The following GRID1 variants were observed in gnomAD, a reference collection of about 807,000 sequenced individuals.
GRID1 encodes glutamate ionotropic receptor delta type subunit 1, also known as glutamate receptor ionotropic, delta-1.
A neutral mutation model predicts 98.0 loss-of-function variants in GRID1; 28 were observed. That is an observed-to-expected ratio of 0.29 (90% CI 0.21 to 0.39). The LOEUF is 0.39. Among genes scored for constraint, GRID1 ranks in the 10% least tolerant of loss-of-function variants. The pLI, the probability that GRID1 is intolerant of heterozygous loss-of-function variation, is 1.00. For missense variants in GRID1, 1,111 were observed against 1,340.5 expected (o/e 0.83, Z 2.67); for synonymous variants, 553 against 538.5 (o/e 1.03, Z -0.37).
intron 13 of GRID1, among the ~76,000 whole-genome samples, chr10:85,635,109 T>G (rs1387051488): frequency 2.0e-5 from 3 of 149,096 alleles, no homozygotes; most frequent in Non-Finnish European, 4.4e-5. Context: ...GTTAGCATGG[T>G]GGCATGGATA....
At chr10:86,023,716 A>G (rs1007751085) in intron 4 of GRID1, among the ~76,000 whole-genome samples, 1 of 152,116 alleles carries the variant, frequency 6.6e-6, no homozygotes, top group Non-Finnish European at 1.5e-5. Flanking sequence ...TGAATCATGT[A>G]TGATTTACAC....
intron 13 of GRID1, among the ~76,000 whole-genome samples, chr10:85,622,713 T>G (rs1842871714): frequency 6.6e-6 from 1 of 152,200 alleles, no homozygotes; most frequent in Non-Finnish European, 1.5e-5. Flanking sequence ...ATGTCTCAGA[T>G]CGAGGGGCTC....
intron 2 of GRID1, among the ~76,000 whole-genome samples, chr10:86,359,423 T>C (rs923393855): frequency 6.6e-6 from 1 of 152,126 alleles, no homozygotes; most frequent in African/African-American, 2.4e-5. Context: ...ACCTAGGAGG[T>C]AACGGATATA....
At position 85,743,113 on chromosome 10, in the gene GRID1, C is replaced by CT. The variant is rs1243943680; in HGVS notation, c.1234-13500_1234-13499insA. ...GAGGATAGAATTATGCAGCCCCCCC[C>CT]CCCACCACCCATTGAGAACCAATTA... is the stretch of plus-strand genomic sequence containing the variant. On this transcript the variant is annotated intron_variant, in intron 8 of 15. Coordinates refer to ENST00000327946, the MANE Select transcript of GRID1 (RefSeq NM_017551.3). Among the ~76,000 whole-genome samples, 12 of 134,302 alleles carry CT rather than the reference C, an allele frequency of 8.9e-5. 1 individual carries two copies. The East Asian group carries it at 1.6e-3, about 18-fold the overall frequency. 88.1% of individuals were successfully genotyped at this position (134,302 alleles called of 152,430 possible).
chr10:86,217,981 AG>A (rs1846200489), intron 2 of GRID1, among the ~76,000 whole-genome samples: 1 of 152,170 alleles, frequency 6.6e-6, no homozygotes, highest in Non-Finnish European at 1.5e-5. Context: ...GTCTCCTGAA[AG>A]ACAAGAACAT....
intron 8 of GRID1, among the ~76,000 whole-genome samples, chr10:85,853,122 CATCT>C (rs1279275697): frequency 6.6e-6 from 1 of 151,190 alleles, no homozygotes; most frequent in Non-Finnish European, 1.5e-5. Flanking sequence ...TCTTCTGCCC[CATCT>C]GTCACTGATG....
At chr10:86,039,308 T>G (rs571034611) in intron 4 of GRID1, among the ~76,000 whole-genome samples, 1 of 152,260 alleles carries the variant, frequency 6.6e-6, no homozygotes, top group East Asian at 1.9e-4. Context: ...AATAAATAGT[T>G]CCACTTAAAA....
intron 4 of GRID1, among the ~76,000 whole-genome samples, chr10:85,988,826 C>T (rs1162925284): frequency 1.3e-5 from 2 of 152,108 alleles, no homozygotes; most frequent in Admixed American, 1.3e-4. Context: ...TTCTTTTAAT[C>T]AAGGATGGTG....
chr10:86,337,650 T>C (rs1046518318), intron 2 of GRID1, among the ~76,000 whole-genome samples: 1 of 152,022 alleles, frequency 6.6e-6, no homozygotes, highest in African/African-American at 2.4e-5. Flanking sequence ...CAGCGCAGTT[T>C]ATTTGCTCAC....
intron 12 of GRID1, among the ~76,000 whole-genome samples, chr10:85,699,609 T>C (rs1279522519): frequency 6.6e-6 from 1 of 152,180 alleles, no homozygotes; most frequent in Non-Finnish European, 1.5e-5. Flanking sequence ...AAAAGACTTT[T>C]AAAAATAATA....
intron 4 of GRID1, among the ~76,000 whole-genome samples, chr10:86,015,678 G>C (rs1842971764): frequency 6.6e-6 from 1 of 152,166 alleles, no homozygotes; most frequent in Non-Finnish European, 1.5e-5. Flanking sequence ...GACTCCCTTG[G>C]TTGCTGCTCA....
At chr10:85,843,754 G>A (rs1344274559) in intron 8 of GRID1, among the ~76,000 whole-genome samples, 1 of 152,016 alleles carries the variant, frequency 6.6e-6, no homozygotes, top group Non-Finnish European at 1.5e-5. Context: ...ATATCTCCAT[G>A]CAATTATTAA....
chr10:86,146,987 T>C (rs1395754427), intron 3 of GRID1, among the ~76,000 whole-genome samples: 1 of 152,042 alleles, frequency 6.6e-6, no homozygotes, highest in African/African-American at 2.4e-5. Flanking sequence ...CAGCTGTTGG[T>C]AAAATTGGAA....
intron 12 of GRID1, among the ~76,000 whole-genome samples, chr10:85,690,066 T>C (rs1269627948): frequency 6.6e-6 from 1 of 152,132 alleles, no homozygotes; most frequent in Non-Finnish European, 1.5e-5. Context: ...ACCCAACTTA[T>C]CAACATTATC....
intron 2 of GRID1, among the ~76,000 whole-genome samples, chr10:86,230,796 C>A (rs746817627): frequency 1.6e-4 from 25 of 152,182 alleles, no homozygotes; most frequent in Non-Finnish European, 2.2e-4. Flanking sequence ...GAGCTGTCTC[C>A]CCCTCTGGTC....
intron 2 of GRID1, among the ~76,000 whole-genome samples, chr10:86,338,974 G>A (rs1004374905): frequency 6.6e-6 from 1 of 152,184 alleles, no homozygotes; most frequent in Non-Finnish European, 1.5e-5. Context: ...GAGAGCTTCA[G>A]TAAGTTGCTC....
chr10:85,849,710 A>G (rs1319995912), intron 8 of GRID1, among the ~76,000 whole-genome samples: 2 of 152,104 alleles, frequency 1.3e-5, no homozygotes, highest in Non-Finnish European at 2.9e-5. Flanking sequence ...GCACAGCATC[A>G]TGCTTGCTGG....
intron 12 of GRID1, among the ~76,000 whole-genome samples, chr10:85,659,036 T>C (rs927196761): frequency 3.9e-5 from 6 of 152,146 alleles, no homozygotes; most frequent in Non-Finnish European, 7.3e-5. Context: ...CCCTAGACAA[T>C]TATGGGGCTG....
chr10:85,747,859 C>T (rs1050584238), intron 8 of GRID1, among the ~76,000 whole-genome samples: 7 of 152,062 alleles, frequency 4.6e-5, no homozygotes, highest in South Asian at 2.1e-4. Context: ...TTTCATAGTC[C>T]GTAATCAGAA....
Sources: gnomAD v4.1 joint callset for allele counts (sites outside exome capture counted in the v4.1 genomes callset) on GRCh38, gnomAD v4.1.1 for gene constraint, MANE v1.5 for transcripts, NCBI Gene and HGNC (gene_info 2026-07-23, HGNC 2026-07-21) for gene names.